ELSPBP1: variants seen among roughly 807,000 people sequenced by gnomAD.
The protein encoded by ELSPBP1 is epididymal sperm-binding protein 1.
In ELSPBP1, 38 loss-of-function variants were observed where a neutral mutation model predicts 33.3. The ratio of observed to expected loss-of-function variants is 1.14; its 90% confidence interval spans 0.88 to 1.50. The LOEUF is 1.50. Among genes scored for constraint, ELSPBP1 ranks in the 40% most tolerant of loss-of-function variants. The pLI is 0.00. For missense variants in ELSPBP1, 267 were observed against 263.5 expected (o/e 1.01, Z -0.09); for synonymous variants, 85 against 94.1 (o/e 0.90, Z 0.56).
intron 6 of ELSPBP1, among the ~76,000 whole-genome samples, chr19:48,023,849 A>T (rs181868059): frequency 1.7e-3 from 247 of 148,676 alleles, no homozygotes; most frequent in African/African-American, 5.4e-3. Flanking sequence ...TTCTTTCTTT[A>T]TTTTTTTCTT....
At chr19:48,010,364 G>T (rs535891452) in intron 2 of ELSPBP1, among the ~76,000 whole-genome samples, 1 of 152,268 alleles carries the variant, frequency 6.6e-6, no homozygotes, top group East Asian at 1.9e-4. Flanking sequence ...GTGAAACTCA[G>T]TATTCCAAGT....
In ELSPBP1 at chr19:48,021,509, G is replaced by A. The variant is rs1015658241; in HGVS notation, c.515-661G>A. Among the ~76,000 whole-genome samples, 5 of 151,400 alleles carry A rather than the reference G, an allele frequency of 3.3e-5. 1 individual carries two copies. The highest frequency in any genetic ancestry group is 1.9e-4 in the East Asian group (1 of 5,146). Reference sequence around the variant, plus strand: ...GGCTGGAGTGCAGTGGCGTGATCTCGGCTCACTGCAACCTCCGCCTCCTGG... The same window carrying A: ...GGCTGGAGTGCAGTGGCGTGATCTCAGCTCACTGCAACCTCCGCCTCCTGG... On this transcript the variant is annotated intron_variant, in intron 5 of 6. Coordinates refer to ENST00000339841, the MANE Select transcript of ELSPBP1 (RefSeq NM_022142.5).
intron 1 of ELSPBP1, among the ~76,000 whole-genome samples, chr19:48,006,621 C>CAAAA (rs1190341508): frequency 0.13 from 2,644 of 20,620 alleles, 151 homozygotes; most frequent in East Asian, 0.33. Flanking sequence ...GACCCTGTCT[C>CAAAA]AAAAAAAAAA....
At chr19:48,015,177 A>G (rs1221289971) in intron 3 of ELSPBP1, among the ~76,000 whole-genome samples, 1 of 152,210 alleles carries the variant, frequency 6.6e-6, no homozygotes, top group Non-Finnish European at 1.5e-5. Flanking sequence ...AGGAGGAAAT[A>G]TGTTTGCTAT....
chr19:48,008,556 G>A, intron 1 of ELSPBP1, 95 bp from the exon 2 acceptor site: 2 of 810,792 alleles, frequency 2.5e-6, no homozygotes, highest in Non-Finnish European at 4.0e-6. Flanking sequence ...TACTGTGGAT[G>A]GAAAGAAAAA....
rs775341506 is a variant in ELSPBP1 at position 47,994,745 on chromosome 19, C to T, written c.-84C>T. 8.5e-5 allele frequency: 13 copies of T among 152,318 alleles called. No homozygotes were observed. Among genetic ancestry groups the T allele is most frequent in the Non-Finnish European group, 1.3e-4 (9 of 68,058 alleles). The allele number at this position is 152,318 out of a possible 1,614,324, so 9.4% of individuals were successfully genotyped here. A position where few individuals can be genotyped will look rare whatever the true frequency, so the allele number is the denominator to read the frequency against. Reference sequence around the variant, plus strand: ...CAACCAATCCCCAGATAATCCAGAGCTCTTGGGAGCAGAACCTTAAAGAGA... The same window carrying T: ...CAACCAATCCCCAGATAATCCAGAGTTCTTGGGAGCAGAACCTTAAAGAGA... On this transcript the variant is annotated 5_prime_UTR_variant, in exon 1 of 7. Transcript: ENST00000339841.
rs564471845 is a variant in ELSPBP1 at position 48,009,499 on chromosome 19, C to T, written c.70+762C>T. ...GGAAACAGAACAAGAGGAAACCTTG[C>T]TTACATGTCATTCACTCAAGCCTTG... On this transcript the variant is annotated intron_variant, in intron 2 of 6. Transcript: ENST00000339841. Among the ~76,000 whole-genome samples the T allele has an allele frequency of 2.6e-5, 4 of 152,294 alleles. No individual in the cohort carries two copies. In the South Asian group the frequency reaches 8.3e-4, roughly 32 times the overall value.
In ELSPBP1 at chr19:48,016,183, C is replaced by G. The variant is rs62129082; in HGVS notation, c.355+144C>G. On this transcript the variant is annotated intron_variant, in intron 4 of 6. Coordinates refer to ENST00000339841, the MANE Select transcript of ELSPBP1 (RefSeq NM_022142.5). ...GAGCCAAGTGTCTGCTCAGAGAGTTCGCTATGACAACGACAGACAGGGGTA... is the reference window on the plus strand; with the variant it reads ...GAGCCAAGTGTCTGCTCAGAGAGTTGGCTATGACAACGACAGACAGGGGTA... The G allele has an allele frequency of 1.3e-5, 12 of 942,956 alleles. No homozygotes were observed. In the African/African-American group the frequency reaches 2.0e-4, roughly 15 times the overall value. 58.4% of individuals were successfully genotyped at this position (942,956 alleles called of 1,614,324 possible).
intron 2 of ELSPBP1, among the ~76,000 whole-genome samples, chr19:48,009,596 C>T (rs1042733213): frequency 1.3e-5 from 2 of 152,130 alleles, no homozygotes; most frequent in African/African-American, 4.8e-5. Context: ...GGCTCAGGAA[C>T]CATTTGCATA....
At chr19:48,010,891 G>A (rs1967069132) in intron 2 of ELSPBP1, among the ~76,000 whole-genome samples, 1 of 152,116 alleles carries the variant, frequency 6.6e-6, no homozygotes, top group African/African-American at 2.4e-5. Flanking sequence ...TCTTACTAAC[G>A]ACTCCCAAAG....
chr19:48,001,596 A>G (rs2122292585), intron 1 of ELSPBP1, among the ~76,000 whole-genome samples: 1 of 151,210 alleles, frequency 6.6e-6, no homozygotes, highest in African/African-American at 2.4e-5. Context: ...TGGCTCTGTC[A>G]CCCAGGCTGG....
rs34842242 is a variant in ELSPBP1 at position 48,008,753 on chromosome 19, G to A, written c.70+16G>A. ...TCAAGTGGAGGTAAGGACACTCAAA[G>A]CAACAGGGAGGATTTAGAAGCTGGA... On this transcript the variant is annotated intron_variant, in intron 2 of 6. Transcript: ENST00000339841. 245,638 of 1,604,960 alleles carry A rather than the reference G, an allele frequency of 0.15. 19,909 individuals carry two copies. The highest frequency in any genetic ancestry group is 0.23 in the South Asian group (20,398 of 90,586).
intron 1 of ELSPBP1, among the ~76,000 whole-genome samples, chr19:47,995,174 C>T (rs1404024779): frequency 6.6e-6 from 1 of 152,132 alleles, no homozygotes; most frequent in Non-Finnish European, 1.5e-5. Context: ...GCTCAAGAAC[C>T]AGAAGTAGCT....
In ELSPBP1 at chr19:48,011,210, TGAG is replaced by T. The variant is rs1967073123; in HGVS notation, c.70+2474_70+2476del. Among the ~76,000 whole-genome samples, 1 of 151,130 alleles carries T rather than the reference TGAG, an allele frequency of 6.6e-6. No homozygotes were observed. Among genetic ancestry groups the T allele is most frequent in the Non-Finnish European group, 1.5e-5 (1 of 67,870 alleles). ...ATTACAATAATGATGACAATGATGATGAGAATGACAATAATGGGGTTGATGATG... is the reference window on the plus strand; with the variant it reads ...ATTACAATAATGATGACAATGATGATAATGACAATAATGGGGTTGATGATG... On this transcript the variant is annotated intron_variant, in intron 2 of 6. Transcript: ENST00000339841. This position sits in a 1 kb window ranked among gnomAD's most constrained non-coding sequence, Gnocchi z 4.5.
At position 48,011,027 on chromosome 19, in the gene ELSPBP1, GATA is replaced by G. The variant is rs962307275; in HGVS notation, c.70+2293_70+2295del. ...CAATAATGACAGTGAAGATGACAATGATAATGATGAGGATGATGATGATATGAC... is the reference window on the plus strand; with the variant it reads ...CAATAATGACAGTGAAGATGACAATGATGATGAGGATGATGATGATATGAC... On this transcript the variant is annotated intron_variant, in intron 2 of 6. Transcript: ENST00000339841. This position sits in a 1 kb window ranked among gnomAD's most constrained non-coding sequence, Gnocchi z 4.5. 4.4e-4 allele frequency among the ~76,000 whole-genome samples: 67 copies of G among 150,962 alleles called. No individual in the cohort carries two copies. The highest frequency in any genetic ancestry group is 1.6e-3 in the African/African-American group (65 of 40,864).
At chr19:48,016,455 CTTTTCTTTCCTTCTTT>C (rs1967134262) in intron 4 of ELSPBP1, among the ~76,000 whole-genome samples, 1 of 122,456 alleles carries the variant, frequency 8.2e-6, no homozygotes, top group South Asian at 3.0e-4. Context: ...TTTTCTCTTT[CTTTTCTTTCCTTCTTT>C]CTTTCTTTCT....
intron 6 of ELSPBP1, among the ~76,000 whole-genome samples, chr19:48,024,163 C>T (rs1288079093): frequency 2.0e-5 from 3 of 151,988 alleles, no homozygotes; most frequent in Non-Finnish European, 1.5e-5. Flanking sequence ...GGATTACAGG[C>T]GTGAGTCACT....
intron 1 of ELSPBP1, among the ~76,000 whole-genome samples, chr19:47,998,630 C>CA (rs376846657): frequency 2.0e-5 from 3 of 151,338 alleles, no homozygotes; most frequent in Admixed American, 2.0e-4. Context: ...ACTAAAAATA[C>CA]AAAAAAATCA....
rs549062783 is a variant in ELSPBP1 at position 48,021,585 on chromosome 19, G to A, written c.515-585G>A. Among the ~76,000 whole-genome samples the A allele has an allele frequency of 4.6e-5, 7 of 151,268 alleles. No homozygotes were observed. The East Asian group carries it at 7.8e-4, about 17-fold the overall frequency. On this transcript the variant is annotated intron_variant, in intron 5 of 6. Transcript: ENST00000339841. ...CTCCCAAGTAGCTGGGATTACAGGC[G>A]CTTGGCACCACACCTAGCTAATTTT...
Sources: allele counts gnomAD v4.1 joint callset (sites outside exome capture counted in the v4.1 genomes callset), GRCh38; gene constraint gnomAD v4.1.1; non-coding constraint Gnocchi (gnomAD v3.1); transcripts MANE v1.5; gene names NCBI Gene and HGNC (gene_info 2026-07-23, HGNC 2026-07-21).